Variants in DUS2 observed in about 807,000 individuals in gnomAD.
The protein encoded by DUS2 is dihydrouridine synthase 2.
Under a neutral mutation model 71.3 loss-of-function variants are expected in DUS2, and 52 were observed. The ratio of observed to expected loss-of-function variants is 0.73; its 90% CI spans 0.58 to 0.92. The LOEUF (loss-of-function observed/expected upper bound fraction) is 0.92, where lower values mean the gene tolerates loss of function less well. Among genes scored for constraint, DUS2 ranks in the 40% least tolerant of loss-of-function variants. The pLI is 0.00. For synonymous variants in DUS2, 204 were observed against 227.8 expected, an observed-to-expected ratio of 0.90 and a Z score of 0.94; for missense variants, 558 against 622.6, an observed-to-expected ratio of 0.90 and a Z score of 1.10.
intron 2 of DUS2, among the ~76,000 whole-genome samples, chr16:68,033,634 ATTTTTTT>A (rs548683357): frequency 0.015 from 1,854 of 125,330 alleles, 38 homozygotes; most frequent in African/African-American, 0.052. Context: ...ACAGGTGCTA[ATTTTTTT>A]TTTTTTTTTT....
intron 7 of DUS2, among the ~76,000 whole-genome samples, chr16:68,058,985 G>A (rs2033900165): frequency 6.6e-6 from 1 of 152,224 alleles, no homozygotes; most frequent in Non-Finnish European, 1.5e-5. Context: ...GCTGAGGCGG[G>A]CAGATCACCT....
intron 2 of DUS2, among the ~76,000 whole-genome samples, chr16:68,031,104 G>T (rs2033430668): frequency 1.3e-5 from 2 of 152,092 alleles, no homozygotes; most frequent in South Asian, 2.1e-4. Context: ...TACTTGCCCA[G>T]TAATGGCATC....
At chr16:68,037,262 G>A (rs1167909394) in intron 2 of DUS2, among the ~76,000 whole-genome samples, 1 of 151,272 alleles carries the variant, frequency 6.6e-6, no homozygotes, top group Non-Finnish European at 1.5e-5. Flanking sequence ...GAATGTATGT[G>A]CATGTATACT....
chr16:68,054,471 T>A (rs2033821573), intron 5 of DUS2, 103 bp from the exon 6 acceptor site: 33 of 1,239,014 alleles, frequency 2.7e-5, no homozygotes, highest in Non-Finnish European at 3.6e-5. Context: ...CTGTTGTTGG[T>A]GTGTGGGGTG....
chr16:68,051,918 A>T (rs185128438), intron 4 of DUS2, among the ~76,000 whole-genome samples: 3 of 152,078 alleles, frequency 2.0e-5, no homozygotes, highest in African/African-American at 7.2e-5. Context: ...ATATTTTTTG[A>T]GATGGAATCT....
intron 8 of DUS2, among the ~76,000 whole-genome samples, chr16:68,065,298 G>T (rs910362439): frequency 2.6e-5 from 4 of 151,420 alleles, no homozygotes; most frequent in African/African-American, 9.7e-5. Context: ...GAGCCTTCCT[G>T]TTCCCTCACC....
intron 10 of DUS2, 29 bp from the exon 11 acceptor site, chr16:68,070,105 G>GCCCTCAGCCCCATCTTTCTATCTCC: frequency 6.2e-7 from 1 of 1,605,802 alleles, no homozygotes. Context: ...TTGGTGCTTA[G>GCCCTCAGCCCCATCTTTCTATCTCC]CCCTCAGCCC....
intron 2 of DUS2, among the ~76,000 whole-genome samples, chr16:68,033,634 ATTTTTTTT>A (rs548683357): frequency 3.2e-5 from 4 of 125,346 alleles, no homozygotes; most frequent in Non-Finnish European, 6.8e-5. Context: ...ACAGGTGCTA[ATTTTTTTT>A]TTTTTTTTTT....
intron 3 of DUS2, among the ~76,000 whole-genome samples, chr16:68,041,190 C>T (rs1046196200): frequency 6.6e-6 from 1 of 152,130 alleles, no homozygotes; most frequent in African/African-American, 2.4e-5. Flanking sequence ...TGTGCCACTG[C>T]ACTCCAGCCT....
At chr16:68,054,050 A>G (rs2033816010) in intron 5 of DUS2, 1 of 203,258 alleles carries the variant, frequency 4.9e-6, no homozygotes, top group Non-Finnish European at 1.0e-5. Flanking sequence ...TTTGTATTTG[A>G]GTTGTGATGA....
intron 3 of DUS2, among the ~76,000 whole-genome samples, chr16:68,044,886 G>A (rs1327141622): frequency 6.6e-6 from 1 of 152,090 alleles, no homozygotes; most frequent in Non-Finnish European, 1.5e-5. Context: ...TCTGCCTCCC[G>A]GGCTCAAGCC....
intron 3 of DUS2, among the ~76,000 whole-genome samples, chr16:68,040,138 G>T (rs2033601227): frequency 6.6e-6 from 1 of 151,308 alleles, no homozygotes; most frequent in African/African-American, 2.4e-5. Context: ...AGGCTGGAGT[G>T]CAGTGGCACA....
chr16:68,065,337 A>G (rs1037808875), intron 8 of DUS2, among the ~76,000 whole-genome samples: 5 of 150,440 alleles, frequency 3.3e-5, no homozygotes, highest in Admixed American at 2.0e-4. Context: ...CACTTAGGGA[A>G]CATTCCCTTC....
intron 3 of DUS2, among the ~76,000 whole-genome samples, chr16:68,042,900 G>A (rs1466630389): frequency 6.6e-6 from 1 of 151,866 alleles, no homozygotes; most frequent in African/African-American, 2.4e-5. Flanking sequence ...GTAGAGACGG[G>A]TTTTTCCATG....
chr16:68,025,358 C>G (rs2033333017), intron 1 of DUS2, 57 bp from the exon 2 acceptor site: 1 of 151,196 alleles, frequency 6.6e-6, no homozygotes, highest in African/African-American at 2.4e-5. Context: ...AAAAAAAGGT[C>G]CCTTGGATGT....
chr16:68,054,705 A>C, intron 6 of DUS2, 88 bp downstream of exon 6: 1 of 1,483,800 alleles, frequency 6.7e-7, no homozygotes, highest in Non-Finnish European at 9.4e-7. Flanking sequence ...TAGGTGACTC[A>C]CCCTTCTGCC....
At chr16:68,033,267 A>C (rs1343344545) in intron 2 of DUS2, among the ~76,000 whole-genome samples, 1 of 152,130 alleles carries the variant, frequency 6.6e-6, no homozygotes, top group Non-Finnish European at 1.5e-5. Flanking sequence ...GTAGTAAAGC[A>C]TGTGGGTTAG....
intron 3 of DUS2, among the ~76,000 whole-genome samples, chr16:68,041,446 C>G (rs753164009): frequency 3.3e-5 from 5 of 152,080 alleles, no homozygotes; most frequent in Non-Finnish European, 7.4e-5. Flanking sequence ...ACTTAAACTT[C>G]TTATTAAGTA....
chr16:68,063,783 G>C (rs1322702129), intron 8 of DUS2, among the ~76,000 whole-genome samples: 1 of 152,070 alleles, frequency 6.6e-6, no homozygotes, highest in Non-Finnish European at 1.5e-5. Flanking sequence ...GAGTGCAGTG[G>C]TGCGATCTCA....
Sources: allele counts gnomAD v4.1 joint callset (sites outside exome capture counted in the v4.1 genomes callset), GRCh38; gene constraint gnomAD v4.1.1; transcripts MANE v1.5; gene names NCBI Gene and HGNC (gene_info 2026-07-23, HGNC 2026-07-21).